The following BMPR2 variants were observed in gnomAD, a reference collection of about 807,000 sequenced individuals.
The protein encoded by BMPR2 is bone morphogenetic protein receptor type-2.
A neutral mutation model predicts 100.8 loss-of-function variants in BMPR2; 29 were observed. The observed-to-expected ratio is 0.29, with a 90% confidence interval of 0.21 to 0.39. The LOEUF (loss-of-function observed/expected upper bound fraction) is 0.39. BMPR2 is among the 10% of genes least tolerant of loss of function. The pLI is 1.00. For missense variants in BMPR2, 1,011 were observed against 1,274.5 expected (o/e 0.79, Z 3.15); for synonymous variants, 382 against 442.3 (o/e 0.86, Z 1.71).
intron 1 of BMPR2, among the ~76,000 whole-genome samples, chr2:202,405,861 A>G (rs1690880715): frequency 6.6e-6 from 1 of 152,186 alleles, no homozygotes; most frequent in Non-Finnish European, 1.5e-5. Flanking sequence ...ATTAGCCTGT[A>G]TTTTACTGTT....
chr2:202,547,058 A>G (rs1315325661), intron 10 of BMPR2, among the ~76,000 whole-genome samples: 1 of 152,120 alleles, frequency 6.6e-6, no homozygotes, highest in Non-Finnish European at 1.5e-5. Flanking sequence ...ATGAGTCAGC[A>G]TGCCTGGCCC....
At chr2:202,404,446 T>G (rs1247118803) in intron 1 of BMPR2, among the ~76,000 whole-genome samples, 3 of 152,222 alleles carry the variant, frequency 2.0e-5, no homozygotes, top group Non-Finnish European at 4.4e-5. Flanking sequence ...TTCGCCCGCC[T>G]TGGCCTCCCA....
At position 202,409,118 on chromosome 2, in the gene BMPR2, G is replaced by T. The variant is rs575654469; in HGVS notation, c.76+31568G>T. ...CCAACACTTTGAGAGGCCGAGGTGG[G>T]TGAATCACTTGAGGCCAGGAGTTTG... is the stretch of plus-strand genomic sequence containing the variant. On this transcript the variant is annotated intron_variant, in intron 1 of 12. Transcript: ENST00000374580. Among the ~76,000 whole-genome samples the T allele has an allele frequency of 3.3e-5, 5 of 152,322 alleles. No homozygotes were observed. In the East Asian group the frequency reaches 9.6e-4, roughly 29 times the overall value.
chr2:202,556,733 G>A (rs1688579940), intron 12 of BMPR2, among the ~76,000 whole-genome samples: 1 of 152,152 alleles, frequency 6.6e-6, no homozygotes, highest in South Asian at 2.1e-4. Context: ...GATCACCTGA[G>A]GTCAGGAGTT....
chr2:202,421,640 T>C (rs1338272390), intron 1 of BMPR2, among the ~76,000 whole-genome samples: 13 of 125,868 alleles, frequency 1.0e-4, no homozygotes, highest in African/African-American at 3.3e-4. Flanking sequence ...AGACTCCGTC[T>C]CAAAAAAAAA....
At chr2:202,515,122 G>C in intron 5 of BMPR2, 143 bp downstream of exon 5, 1 of 791,484 alleles carries the variant, frequency 1.3e-6, no homozygotes, top group Non-Finnish European at 2.1e-6. Context: ...GCCTATTCTA[G>C]GCACTAGGAA....
chr2:202,390,762 A>C (rs13426118), intron 1 of BMPR2, among the ~76,000 whole-genome samples: 31,093 of 151,994 alleles, frequency 0.2, 4,230 homozygotes, highest in African/African-American at 0.39. Flanking sequence ...CAAGCTTTTC[A>C]TGCTTGTCAG....
At chr2:202,484,260 C>T (rs1692722834) in intron 3 of BMPR2, among the ~76,000 whole-genome samples, 2 of 152,190 alleles carry the variant, frequency 1.3e-5, no homozygotes, top group South Asian at 4.1e-4. Context: ...GGTTGTTCCC[C>T]CAATACTTGT....
At chr2:202,486,219 C>T (rs1206985543) in intron 3 of BMPR2, among the ~76,000 whole-genome samples, 2 of 152,286 alleles carry the variant, frequency 1.3e-5, no homozygotes, top group South Asian at 2.1e-4. Context: ...TAATGGAAGG[C>T]ATAATGTCAT....
intron 1 of BMPR2, among the ~76,000 whole-genome samples, chr2:202,433,432 A>T (rs1691546525): frequency 6.6e-6 from 1 of 150,818 alleles, no homozygotes; most frequent in Non-Finnish European, 1.5e-5. Flanking sequence ...CTAAGACATC[A>T]GTTTGAAAAA....
At chr2:202,402,125 G>A (rs1279037698) in intron 1 of BMPR2, among the ~76,000 whole-genome samples, 1 of 152,226 alleles carries the variant, frequency 6.6e-6, no homozygotes, top group Non-Finnish European at 1.5e-5. Context: ...GGAGCAGTTG[G>A]GGAAGGGAAT....
chr2:202,518,409 A>T (rs1269554591), intron 5 of BMPR2, among the ~76,000 whole-genome samples: 1 of 152,148 alleles, frequency 6.6e-6, no homozygotes, highest in East Asian at 1.9e-4. Context: ...AAGTGCTGAG[A>T]TTACAGGCAT....
intron 3 of BMPR2, among the ~76,000 whole-genome samples, chr2:202,491,836 A>C (rs1047838874): frequency 6.6e-6 from 1 of 152,222 alleles, no homozygotes; most frequent in African/African-American, 2.4e-5. Context: ...AACAAAATTA[A>C]AGTCCTAAAT....
intron 3 of BMPR2, among the ~76,000 whole-genome samples, chr2:202,479,523 G>A (rs560470794): frequency 5.3e-5 from 8 of 152,140 alleles, no homozygotes; most frequent in African/African-American, 7.2e-5. Context: ...GAGAATTCCC[G>A]TTATCTCCCC....
chr2:202,549,145 T>C (rs1688428190), intron 10 of BMPR2, among the ~76,000 whole-genome samples: 1 of 152,180 alleles, frequency 6.6e-6, no homozygotes, highest in African/African-American at 2.4e-5. Context: ...ATAAATGTAC[T>C]GTTTTTCTGG....
Position 202,559,983 on chromosome 2 carries a change from C to T in BMPR2, c.*37C>T. On this transcript the variant is annotated 3_prime_UTR_variant, in exon 13 of 13. Coordinates refer to ENST00000374580, the MANE Select transcript of BMPR2 (RefSeq NM_001204.7). ...GCCTATGGAGTGAAATTATTTTTTGCATCATTTAAACATGCAGAAGATGTT... is the reference window on the plus strand; with the variant it reads ...GCCTATGGAGTGAAATTATTTTTTGTATCATTTAAACATGCAGAAGATGTT... The T allele has an allele frequency of 1.9e-6, 3 of 1,612,098 alleles. No homozygotes were observed. Among genetic ancestry groups the T allele is most frequent in the Non-Finnish European group, 2.5e-6 (3 of 1,179,598 alleles).
intron 3 of BMPR2, among the ~76,000 whole-genome samples, chr2:202,504,678 C>CTT (rs144161668): frequency 0.039 from 4,346 of 112,346 alleles, 352 homozygotes; most frequent in African/African-American, 0.14. Context: ...ATAGTAGATT[C>CTT]TTTTTTTTTT....
At chr2:202,439,330 C>T (rs1357395559) in intron 1 of BMPR2, among the ~76,000 whole-genome samples, 1 of 147,670 alleles carries the variant, frequency 6.8e-6, no homozygotes, top group Non-Finnish European at 1.5e-5. Flanking sequence ...TGTTGTTGAA[C>T]TTTTATTAGC....
Position 202,532,601 on chromosome 2 carries a change from A to G in BMPR2, c.1145A>G (p.Tyr382Cys). ...AAISEVGTIRYMAPEVLEGAV... is the reference protein window; with the variant it reads ...AAISEVGTIRCMAPEVLEGAV... The stretch of plus-strand genomic sequence containing the variant: ...ATTTATCAGGTTGGCACTATCAGAT[A>G]TATGGCACCAGAAGTGCTAGAAGGA... Residue 382 changes from tyrosine to cysteine, a missense_variant, in exon 9 of 13, where the codon TAT (tyrosine) becomes TGT (cysteine). Transcript: ENST00000374580. The surrounding 1 kb of genome is among the most constrained non-coding windows in gnomAD (Gnocchi z 4.1). 6.2e-6 allele frequency: 10 copies of G among 1,614,014 alleles called. No individual in the cohort carries two copies. Among genetic ancestry groups the G allele is most frequent in the Non-Finnish European group, 8.5e-6 (10 of 1,179,952 alleles).
Sources: allele counts gnomAD v4.1 joint callset (sites outside exome capture counted in the v4.1 genomes callset), GRCh38; gene constraint gnomAD v4.1.1; non-coding constraint Gnocchi (gnomAD v3.1); transcripts MANE v1.5; gene names NCBI Gene and HGNC (gene_info 2026-07-23, HGNC 2026-07-21).